The following KHDC1 variants were observed in gnomAD, a reference collection of about 807,000 sequenced individuals.
KHDC1 encodes the protein KH domain containing 1, also known as KH homology domain-containing protein 1.
In KHDC1, 21 loss-of-function variants were observed where a neutral mutation model predicts 24.7. The ratio of observed to expected loss-of-function variants is 0.85; its 90% CI spans 0.60 to 1.23. The LOEUF (loss-of-function observed/expected upper bound fraction) is 1.23, where lower values mean the gene tolerates loss of function less well. Ranked by LOEUF, KHDC1 falls within the 50% of genes most tolerant of loss-of-function variation. The pLI is 0.00. For synonymous variants in KHDC1, 98 were observed against 111.7 expected (o/e 0.88, Z 0.77); for missense variants, 274 against 298.5 (o/e 0.92, Z 0.61).
At chr6:73,292,234 T>A in intron 1 of KHDC1, 2 of 1,411,654 alleles carry the variant, frequency 1.4e-6, no homozygotes, top group Non-Finnish European at 1.0e-6. Context: ...CAGAACTAAT[T>A]GTGAAAATGT....
At chr6:73,265,368 A>G (rs1767060249) in intron 2 of KHDC1, among the ~76,000 whole-genome samples, 2 of 152,154 alleles carry the variant, frequency 1.3e-5, no homozygotes, top group Non-Finnish European at 2.9e-5. Flanking sequence ...CATCTCTACA[A>G]AAATACAGAA....
At chr6:73,295,121 T>C (rs574875253) in intron 1 of KHDC1, among the ~76,000 whole-genome samples, 1 of 152,080 alleles carries the variant, frequency 6.6e-6, no homozygotes, top group South Asian at 2.1e-4. Context: ...GACACTGCAC[T>C]CCAGTCTGGC....
In KHDC1 at chr6:73,267,762, G is replaced by A. The variant is rs75026278; in HGVS notation, c.206+24236C>T. ...CATTATTCACAGTGGCCAAAATGTG[G>A]AACCAACCCAAGAATTGATGAGCAG... On this transcript the variant is annotated intron_variant, in intron 2 of 4. Transcript: ENST00000370384. Among the ~76,000 whole-genome samples, 66 of 152,110 alleles carry A rather than the reference G, an allele frequency of 4.3e-4. No homozygotes were observed. The East Asian group carries it at 0.01, about 23-fold the overall frequency.
chr6:73,291,033 G>C (rs925488041), intron 2 of KHDC1: 1 of 395,308 alleles, frequency 2.5e-6, no homozygotes, highest in Non-Finnish European at 5.0e-6. Flanking sequence ...TGAAAAGGAA[G>C]AGTAGGCTGC....
chr6:73,272,338 G>A (rs970212719), intron 2 of KHDC1, among the ~76,000 whole-genome samples: 3 of 150,992 alleles, frequency 2.0e-5, no homozygotes, highest in Non-Finnish European at 2.9e-5. Context: ...TCACCATGTT[G>A]TCTAAGCTGG....
At chr6:73,246,521 T>G (rs1028663794) in intron 2 of KHDC1, among the ~76,000 whole-genome samples, 1 of 152,126 alleles carries the variant, frequency 6.6e-6, no homozygotes, top group Non-Finnish European at 1.5e-5. Flanking sequence ...TCACGAGAAT[T>G]AAGGAGGGCA....
At chr6:73,295,029 C>T (rs1252699195) in intron 1 of KHDC1, among the ~76,000 whole-genome samples, 3 of 152,090 alleles carry the variant, frequency 2.0e-5, no homozygotes, top group Admixed American at 1.3e-4. Context: ...TGGCACACAC[C>T]TGTGGTCCCA....
At chr6:73,283,666 A>G (rs1767458909) in intron 2 of KHDC1, among the ~76,000 whole-genome samples, 1 of 141,928 alleles carries the variant, frequency 7.0e-6, no homozygotes, top group Admixed American at 7.2e-5. Context: ...TTGGAGACAG[A>G]GTCTCTCTCT....
chr6:73,284,105 C>T (rs574031517), intron 2 of KHDC1, among the ~76,000 whole-genome samples: 4 of 152,250 alleles, frequency 2.6e-5, no homozygotes, highest in East Asian at 3.9e-4. Context: ...CTCTCTAAAA[C>T]GGATCCCCTC....
chr6:73,253,294 G>A (rs536695859), intron 2 of KHDC1, among the ~76,000 whole-genome samples: 35 of 152,238 alleles, frequency 2.3e-4, no homozygotes, highest in South Asian at 1.0e-3. Context: ...GGTGGCTCAC[G>A]CCTGTAATCC....
In KHDC1 at chr6:73,309,687, G is replaced by A. The variant is rs928686184; in HGVS notation, c.28C>T (p.Arg10Ter). The A allele has an allele frequency of 5.2e-6, 8 of 1,549,976 alleles. No homozygotes were observed. The highest frequency in any genetic ancestry group is 1.2e-5 in the South Asian group (1 of 83,950). The change falls in exon 1 of 5, where the codon CGA becomes TGA. Residue 10 changes from arginine (R) to a stop codon, truncating the protein, a stop_gained. Transcript: ENST00000370384. LOFTEE classifies it high-confidence loss of function. ...ACTGTTTCAATCACAAATAAGACTC[G>A]GAACAGCCTCTGGAAGGCCGACAGC...
chr6:73,289,819 G>A (rs949905984), intron 2 of KHDC1, among the ~76,000 whole-genome samples: 1 of 151,590 alleles, frequency 6.6e-6, no homozygotes, highest in African/African-American at 2.4e-5. Context: ...TTAGCCAGGC[G>A]GCCGGGCGCG....
intron 1 of KHDC1, among the ~76,000 whole-genome samples, chr6:73,298,729 G>A (rs906546095): frequency 1.3e-5 from 2 of 151,068 alleles, no homozygotes; most frequent in African/African-American, 4.9e-5. Context: ...CACTACGCCC[G>A]GCCTGTAAAC....
At chr6:73,272,041 TA>T (rs1767188864) in intron 2 of KHDC1, among the ~76,000 whole-genome samples, 1 of 150,856 alleles carries the variant, frequency 6.6e-6, no homozygotes, top group Non-Finnish European at 1.5e-5. Context: ...TTTCTATGAG[TA>T]GTGTTGACTG....
intron 2 of KHDC1, among the ~76,000 whole-genome samples, chr6:73,276,691 A>C (rs1287118576): frequency 1.3e-5 from 2 of 152,136 alleles, no homozygotes; most frequent in Non-Finnish European, 2.9e-5. Context: ...GTAAACTGTG[A>C]TCCACACCTC....
intron 2 of KHDC1, among the ~76,000 whole-genome samples, chr6:73,259,280 C>CTTTTTGTT (rs1766935886): frequency 2.7e-5 from 2 of 73,238 alleles, no homozygotes; most frequent in African/African-American, 1.3e-4. Flanking sequence ...ATCCAATATG[C>CTTTTTGTT]TTTTTTTTTT....
chr6:73,287,248 C>T, intron 2 of KHDC1, among the ~76,000 whole-genome samples: 1 of 152,146 alleles, frequency 6.6e-6, no homozygotes, highest in East Asian at 1.9e-4. Context: ...CGTGATAAAA[C>T]TGGTCTCTAA....
At position 73,246,031 on chromosome 6, in the gene KHDC1, C is replaced by A. The variant is rs961434122; in HGVS notation, c.207-3501G>T. Among the ~76,000 whole-genome samples the A allele has an allele frequency of 6.0e-4, 91 of 152,294 alleles. No individual in the cohort carries two copies. In the East Asian group the frequency reaches 6.9e-3, roughly 12 times the overall value. On this transcript the variant is annotated intron_variant, in intron 2 of 4. Coordinates refer to ENST00000370384, the Ensembl canonical transcript of KHDC1. ...GAATCTCCATTTTATTATGTGGCTA[C>A]CCCCTTGGGTAATAGCAAAGCTTCT...
chr6:73,292,927 T>C (rs141873586), intron 1 of KHDC1: 77 of 837,000 alleles, frequency 9.2e-5, no homozygotes, highest in African/African-American at 8.8e-4. Flanking sequence ...TGGCTTGTCT[T>C]AAGGATTTCA....
Sources: gnomAD v4.1 joint callset for allele counts (sites outside exome capture counted in the v4.1 genomes callset) on GRCh38, gnomAD v4.1.1 for gene constraint, MANE v1.5 for transcripts, NCBI Gene and HGNC (gene_info 2026-07-23, HGNC 2026-07-21) for gene names.